The following OSBPL5 variants were observed in gnomAD, a reference collection of about 807,000 sequenced individuals.
OSBPL5 encodes oxysterol-binding protein-related protein 5.
OSBPL5 carries 71 observed loss-of-function variants against 111.2 expected under a neutral mutation model. That is an observed-to-expected ratio of 0.64 (90% CI 0.53 to 0.78). The LOEUF is 0.78. OSBPL5 is among the 30% of genes least tolerant of loss of function. OSBPL5 has a pLI of 0.00. For missense variants in OSBPL5, 1,210 were observed against 1,189.3 expected (o/e 1.02, Z -0.26); for synonymous variants, 549 against 513.9 (o/e 1.07, Z -0.93).
chr11:3,122,798 G>C (rs1858469877), intron 3 of OSBPL5, among the ~76,000 whole-genome samples: 1 of 152,186 alleles, frequency 6.6e-6, no homozygotes, highest in African/African-American at 2.4e-5. Flanking sequence ...GTCTTTGAGG[G>C]GACACCTGGG....
chr11:3,105,332 G>A lies in OSBPL5; in HGVS notation c.1060-955C>T, dbSNP rs901747609. On this transcript the variant is annotated intron_variant, in intron 9 of 21. Transcript: ENST00000263650. The surrounding 1 kb of genome is among the most constrained non-coding windows in gnomAD (Gnocchi z 5.2). ...TGGGACTCCTCAGGCAAATGGCTTCGCCTCTCTGTGCACGCATGGCCACGG... is the reference window on the plus strand; with the variant it reads ...TGGGACTCCTCAGGCAAATGGCTTCACCTCTCTGTGCACGCATGGCCACGG... Among the ~76,000 whole-genome samples, 6 of 152,278 alleles carry A rather than the reference G, an allele frequency of 3.9e-5. No individual in the cohort carries two copies. The highest frequency in any genetic ancestry group is 3.9e-4 in the East Asian group (2 of 5,182).
Position 3,107,708 on chromosome 11 carries a change from C to A in OSBPL5, c.866+63G>T. On this transcript the variant is annotated intron_variant, in intron 8 of 21. Transcript: ENST00000263650. This position sits in a 1 kb window ranked among gnomAD's most constrained non-coding sequence, Gnocchi z 6.1. ...AGTGGCTGGGGCTGTCCTCTCCCCT[C>A]TTCCTCGCCTACAAGGAGACCCCGT... The A allele has an allele frequency of 6.3e-7, 1 of 1,581,502 alleles. No homozygotes were observed. The highest frequency in any genetic ancestry group is 8.6e-7 in the Non-Finnish European group (1 of 1,164,074).
intron 21 of OSBPL5, among the ~76,000 whole-genome samples, 194 bp from the exon 22 acceptor site, chr11:3,088,537 G>C (rs907535052): frequency 8.5e-5 from 13 of 152,154 alleles, no homozygotes; most frequent in African/African-American, 2.9e-4. Flanking sequence ...ACAGCACCAT[G>C]GCTATACTGG....
At chr11:3,150,533 G>A (rs950942993) in intron 1 of OSBPL5, among the ~76,000 whole-genome samples, 3 of 152,176 alleles carry the variant, frequency 2.0e-5, no homozygotes, top group African/African-American at 7.2e-5. Flanking sequence ...GGGCAAGACA[G>A]GGGTCAGGAG....
At position 3,122,001 on chromosome 11, in the gene OSBPL5, A is replaced by C. The variant is rs748671232; in HGVS notation, c.398T>G (p.Leu133Arg). The change falls in exon 5 of 22, where the codon CTG becomes CGG. Residue 133 changes from leucine (L) to arginine (R), a missense_variant. Coordinates refer to ENST00000263650, the MANE Select transcript of OSBPL5 (RefSeq NM_020896.4). ...DPSVVIMADS[L>R]KIRGTLKSWT... The stretch of plus-strand genomic sequence containing the variant: ...CGGAGGCCGGGCATCACCTACCTTC[A>C]GGCTGTCAGCCATGATGACCACGCT... 6.4e-7 allele frequency: 1 copy of C among 1,564,686 alleles called. No homozygotes were observed. The highest frequency in any genetic ancestry group is 1.2e-5 in the South Asian group (1 of 86,186).
At chr11:3,093,383 T>A in intron 17 of OSBPL5, 144 bp downstream of exon 17, 2 of 1,287,284 alleles carry the variant, frequency 1.6e-6, no homozygotes, top group East Asian at 4.7e-5. Flanking sequence ...GGACACGTGA[T>A]CTGCCACCAG....
chr11:3,117,294 G>A (rs1015573248), intron 7 of OSBPL5, among the ~76,000 whole-genome samples: 5 of 152,220 alleles, frequency 3.3e-5, no homozygotes, highest in Non-Finnish European at 1.5e-5. Context: ...CCTGTGGTAA[G>A]TAAAGAATGT....
intron 7 of OSBPL5, among the ~76,000 whole-genome samples, chr11:3,112,033 G>GTGTGTGTGTGTGCA (rs1564837340): frequency 1.8e-5 from 2 of 113,164 alleles, no homozygotes; most frequent in Non-Finnish European, 3.7e-5. Flanking sequence ...GCATGTGTGT[G>GTGTGTGTGTGTGCA]TATGTGTGCG....
rs142298044 is a variant in OSBPL5 at position 3,151,145 on chromosome 11, C to T, written c.-22+14071G>A. Among the ~76,000 whole-genome samples the T allele has an allele frequency of 9.9e-4, 151 of 152,180 alleles. 1 individual carries two copies. Among genetic ancestry groups the T allele is most frequent in the Non-Finnish European group, 1.5e-3 (103 of 67,990 alleles). ...GGCGGAGATCGGAGTGATGCCGCCA[C>T]GAGCCAAGGAACACCTGGAGCCCCT... On this transcript the variant is annotated intron_variant, in intron 1 of 21. Transcript: ENST00000263650.
At chr11:3,095,609 A>G (rs1416223099) in intron 14 of OSBPL5, among the ~76,000 whole-genome samples, 1 of 152,220 alleles carries the variant, frequency 6.6e-6, no homozygotes, top group African/African-American at 2.4e-5. Context: ...TTCTGAAATC[A>G]CCAAATACGT....
rs1053746 is a variant in OSBPL5, at chr11:3,087,455, G to A, written c.*750C>T. The A allele has an allele frequency of 0.041, 6,405 of 154,368 alleles. 167 individuals carry two copies. The highest frequency in any genetic ancestry group is 0.071 in the South Asian group (350 of 4,926). 9.6% of individuals were successfully genotyped at this position (154,368 alleles called of 1,614,324 possible). A position where few individuals can be genotyped will look rare whatever the true frequency, so the allele number is the denominator to read the frequency against. On this transcript the variant is annotated 3_prime_UTR_variant, in exon 22 of 22. Transcript: ENST00000263650. ...TGTGCATCGGTCTGAGTAAAGTGGC[G>A]AACTTGAGCCTCCCCGGCCTGGGTG...
chr11:3,111,465 A>G (rs908504610), intron 7 of OSBPL5, among the ~76,000 whole-genome samples: 1 of 152,194 alleles, frequency 6.6e-6, no homozygotes, highest in African/African-American at 2.4e-5. Flanking sequence ...ATTAACAACC[A>G]GCTGGTCTTA....
Position 3,088,250 on chromosome 11 carries a change from G to A in OSBPL5, c.2595C>T (p.Cys865=), listed in dbSNP as rs1187586637. 1.2e-6 allele frequency: 2 copies of A among 1,605,842 alleles called. No individual in the cohort carries two copies. Among genetic ancestry groups the A allele is most frequent in the Middle Eastern group, 1.7e-4 (1 of 5,996 alleles). Residue 865 remains cysteine, a synonymous_variant, in exon 22 of 22, where the codon TGC becomes TGT. Coordinates refer to ENST00000263650, the MANE Select transcript of OSBPL5 (RefSeq NM_020896.4). ...LQSPRSWFLL[C]VFLACQLFIN... Reference sequence around the variant, plus strand: ...TGAACAGCTGACACGCCAGGAACACGCAGAGCAGGAACCAGGATCGGGGGC... The same window carrying A: ...TGAACAGCTGACACGCCAGGAACACACAGAGCAGGAACCAGGATCGGGGGC...
rs1419728962 is a variant in OSBPL5, at chr11:3,126,214, A to T, written c.219+259T>A. ...ATTACTCTAGGTTTATACCTGAGAG[A>T]ACTGAAAACTGATAGTCAAATACAC... On this transcript the variant is annotated intron_variant, in intron 3 of 21. Transcript: ENST00000263650. This position sits in a 1 kb window ranked among gnomAD's most constrained non-coding sequence, Gnocchi z 6.5. Among the ~76,000 whole-genome samples, 1 of 152,210 alleles carries T rather than the reference A, an allele frequency of 6.6e-6. No homozygotes were observed. Among genetic ancestry groups the T allele is most frequent in the Non-Finnish European group, 1.5e-5 (1 of 68,040 alleles).
intron 14 of OSBPL5, among the ~76,000 whole-genome samples, chr11:3,096,998 A>T (rs1857283969): frequency 1.5e-5 from 2 of 131,002 alleles, no homozygotes; most frequent in African/African-American, 2.8e-5. Flanking sequence ...GGAGGAGAAG[A>T]GGAAAGAGGG....
At chr11:3,118,367 C>G (rs1286482965) in intron 7 of OSBPL5, among the ~76,000 whole-genome samples, 1 of 152,180 alleles carries the variant, frequency 6.6e-6, no homozygotes, top group Non-Finnish European at 1.5e-5. Flanking sequence ...TCTAATCTAC[C>G]TATGACCTGG....
chr11:3,102,370 G>T (rs1857490929), intron 11 of OSBPL5, 89 bp from the exon 12 acceptor site: 3 of 1,240,788 alleles, frequency 2.4e-6, no homozygotes, highest in Non-Finnish European at 3.5e-6. Flanking sequence ...GAGGGGCAGC[G>T]TGGGTGGGCT....
Position 3,146,934 on chromosome 11 carries a change from A to C in OSBPL5, c.-21-17765T>G, listed in dbSNP as rs1846369779. 6.6e-6 allele frequency among the ~76,000 whole-genome samples: 1 copy of C among 152,014 alleles called. No individual in the cohort carries two copies. The highest frequency in any genetic ancestry group is 1.5e-5 in the Non-Finnish European group (1 of 67,996). Reference sequence around the variant, plus strand: ...TCTTCACGAGGGGCTGGGATTTTAGAGGTGGCTCAGCTGAGGGCACGGGGG... The same window carrying C: ...TCTTCACGAGGGGCTGGGATTTTAGCGGTGGCTCAGCTGAGGGCACGGGGG... On this transcript the variant is annotated intron_variant, in intron 1 of 21. Coordinates refer to ENST00000263650, the MANE Select transcript of OSBPL5 (RefSeq NM_020896.4). This position sits in a 1 kb window ranked among gnomAD's most constrained non-coding sequence, Gnocchi z 7.8.
chr11:3,120,912 A>G (rs1858385866), intron 5 of OSBPL5, among the ~76,000 whole-genome samples: 1 of 152,208 alleles, frequency 6.6e-6, no homozygotes, highest in Non-Finnish European at 1.5e-5. Context: ...TTTTAAAAGG[A>G]GCCCATATGT....
Sources: gnomAD v4.1 joint callset for allele counts (sites outside exome capture counted in the v4.1 genomes callset) on GRCh38, gnomAD v4.1.1 for gene constraint, Gnocchi (gnomAD v3.1) non-coding constraint, MANE v1.5 for transcripts, NCBI Gene and HGNC (gene_info 2026-07-23, HGNC 2026-07-21) for gene names.